LRP1B: variants seen among roughly 807,000 people sequenced by gnomAD.
LRP1B encodes low-density lipoprotein receptor-related protein 1B.
Under a neutral mutation model 556.6 loss-of-function variants are expected in LRP1B, and 217 were observed. The observed-to-expected ratio is 0.39, with a 90% confidence interval of 0.35 to 0.44. The LOEUF is 0.44. Ranked by LOEUF, LRP1B falls within the 20% of genes least tolerant of loss-of-function variation. LRP1B has a pLI of 1.00. For missense variants in LRP1B, 5,053 were observed against 5,620.8 expected (o/e 0.90, Z 3.23); for synonymous variants, 2,047 against 1,865.8 (o/e 1.10, Z -2.50).
chr2:140,951,028 C>T (rs1187242015), intron 19 of LRP1B, among the ~76,000 whole-genome samples: 1 of 152,062 alleles, frequency 6.6e-6, no homozygotes, highest in Non-Finnish European at 1.5e-5. Context: ...TGACTGAATT[C>T]ATCTATGCAC....
chr2:140,816,521 T>A (rs1317074632), intron 31 of LRP1B, among the ~76,000 whole-genome samples: 1 of 152,164 alleles, frequency 6.6e-6, no homozygotes, highest in Non-Finnish European at 1.5e-5. Flanking sequence ...ATATTTAAAT[T>A]AATTTTAATA....
chr2:141,467,817 GTTTGTTTGT>G (rs1682291319), intron 3 of LRP1B, among the ~76,000 whole-genome samples: 1 of 33,416 alleles, frequency 3.0e-5, no homozygotes, highest in Non-Finnish European at 8.5e-5. Flanking sequence ...TTGTTTGTTT[GTTTGTTTGT>G]TTGTTTGCGG....
chr2:141,112,838 G>T (rs904629152), intron 7 of LRP1B, among the ~76,000 whole-genome samples: 8 of 152,086 alleles, frequency 5.3e-5, no homozygotes, highest in African/African-American at 1.9e-4. Context: ...AATAATCCCA[G>T]AAATCTAAAT....
chr2:141,873,149 C>T (rs1481778962), intron 1 of LRP1B, among the ~76,000 whole-genome samples: 1 of 151,800 alleles, frequency 6.6e-6, no homozygotes, highest in Non-Finnish European at 1.5e-5. Context: ...AGGATAGAAT[C>T]ATCTTAATTA....
At chr2:140,685,833 CA>C (rs1236878594) in intron 41 of LRP1B, among the ~76,000 whole-genome samples, 1 of 152,026 alleles carries the variant, frequency 6.6e-6, no homozygotes, top group Non-Finnish European at 1.5e-5. Flanking sequence ...TGTCTAGAAC[CA>C]CTTAACATAT....
At chr2:140,573,201 T>C (rs1681394925) in intron 43 of LRP1B, among the ~76,000 whole-genome samples, 1 of 151,884 alleles carries the variant, frequency 6.6e-6, no homozygotes, top group African/African-American at 2.4e-5. Context: ...CATAATTTCA[T>C]CATTACATAC....
chr2:140,857,736 G>A (rs996152530), intron 27 of LRP1B, among the ~76,000 whole-genome samples: 1 of 152,074 alleles, frequency 6.6e-6, no homozygotes, highest in Admixed American at 6.6e-5. Flanking sequence ...TCTACAGAGA[G>A]AGTTTTTAAA....
intron 2 of LRP1B, among the ~76,000 whole-genome samples, chr2:141,797,341 T>C (rs191513704): frequency 2.0e-5 from 3 of 151,718 alleles, no homozygotes; most frequent in South Asian, 2.1e-4. Flanking sequence ...AAGATTGCTG[T>C]CCTTAAGGAT....
chr2:140,873,907 G>T (rs1036326391), intron 25 of LRP1B, among the ~76,000 whole-genome samples: 10 of 151,532 alleles, frequency 6.6e-5, no homozygotes, highest in Admixed American at 2.0e-4. Flanking sequence ...GGAAATAAGA[G>T]AAATGTAAAG....
At chr2:141,630,621 G>GAAAA (rs1688872391) in intron 2 of LRP1B, among the ~76,000 whole-genome samples, 2 of 152,308 alleles carry the variant, frequency 1.3e-5, no homozygotes, top group Admixed American at 1.3e-4. Flanking sequence ...CACGACAGAT[G>GAAAA]GTCCCTGACT....
chr2:141,579,544 T>C (rs148778272), intron 2 of LRP1B, among the ~76,000 whole-genome samples: 1 of 152,150 alleles, frequency 6.6e-6, no homozygotes, highest in East Asian at 1.9e-4. Flanking sequence ...ATGGCATGTA[T>C]GAACTAATAA....
In LRP1B at chr2:141,404,734, G is replaced by T. The variant is rs72985141; in HGVS notation, c.343+75662C>A. ...CGTTATACTGGTACTGCCATAGCAA[G>T]CTTTTTAGGATGGGATTCTTATGAG... On this transcript the variant is annotated intron_variant, in intron 3 of 90. Transcript: ENST00000389484. Among the ~76,000 whole-genome samples the T allele has an allele frequency of 8.0e-3, 1,224 of 152,258 alleles. 19 individuals carry two copies. Among genetic ancestry groups the T allele is most frequent in the African/African-American group, 0.028 (1,151 of 41,564 alleles).
At chr2:140,560,386 T>C (rs1680886134) in intron 43 of LRP1B, among the ~76,000 whole-genome samples, 1 of 152,168 alleles carries the variant, frequency 6.6e-6, no homozygotes, top group Non-Finnish European at 1.5e-5. Context: ...AATGTATCAA[T>C]GTCAGTTTTC....
intron 58 of LRP1B, among the ~76,000 whole-genome samples, chr2:140,486,301 A>G (rs1688468757): frequency 1.3e-5 from 2 of 151,996 alleles, no homozygotes; most frequent in Admixed American, 6.6e-5. Context: ...CCCTAATGCC[A>G]TCAATAATAA....
chr2:141,037,751 C>T (rs767410347), intron 11 of LRP1B, among the ~76,000 whole-genome samples: 2 of 151,772 alleles, frequency 1.3e-5, no homozygotes, highest in Non-Finnish European at 2.9e-5. Flanking sequence ...AATGGACATT[C>T]GGGGATGCAA....
At chr2:141,725,689 T>C (rs1359670191) in intron 2 of LRP1B, among the ~76,000 whole-genome samples, 2 of 151,868 alleles carry the variant, frequency 1.3e-5, no homozygotes, top group Non-Finnish European at 2.9e-5. Flanking sequence ...GCAAATGATT[T>C]AGAATGGATT....
At chr2:141,639,231 A>C (rs2105360632) in intron 2 of LRP1B, among the ~76,000 whole-genome samples, 1 of 138,344 alleles carries the variant, frequency 7.2e-6, no homozygotes, top group Admixed American at 7.5e-5. Flanking sequence ...TGGTCTCTTC[A>C]CGCAAAGCAC....
chr2:141,473,436 C>T (rs185389520), intron 3 of LRP1B, among the ~76,000 whole-genome samples: 1 of 152,230 alleles, frequency 6.6e-6, no homozygotes, highest in African/African-American at 2.4e-5. Flanking sequence ...TGTTGCTTTG[C>T]TTCTGGGAAG....
At chr2:141,244,172 G>A (rs561026666) in intron 5 of LRP1B, among the ~76,000 whole-genome samples, 1 of 152,264 alleles carries the variant, frequency 6.6e-6, no homozygotes, top group East Asian at 1.9e-4. Flanking sequence ...CACATAAAGG[G>A]CTATTTCTCA....
Sources: gnomAD v4.1 joint callset for allele counts (sites outside exome capture counted in the v4.1 genomes callset) on GRCh38, gnomAD v4.1.1 for gene constraint, MANE v1.5 for transcripts, NCBI Gene and HGNC (gene_info 2026-07-23, HGNC 2026-07-21) for gene names.